Variants in FMO3 observed in about 807,000 individuals in gnomAD.
FMO3 encodes the protein flavin containing dimethylaniline monoxygenase 3.
FMO3 carries 40 observed loss-of-function variants against 39.4 expected under a neutral mutation model. That is an observed-to-expected ratio of 1.02 (90% CI 0.79 to 1.32). The LOEUF is 1.32. Ranked by LOEUF, FMO3 falls within the 40% of genes most tolerant of loss-of-function variation. FMO3 has a pLI of 0.00. For synonymous variants in FMO3, 219 were observed against 228.8 expected (o/e 0.96, Z 0.39); for missense variants, 680 against 651.8 (o/e 1.04, Z -0.47).
rs563473130 is a variant in FMO3, at chr1:171,113,914, G to A, written c.828-93G>A. 2.0e-5 allele frequency: 18 copies of A among 917,040 alleles called. No homozygotes were observed. In the African/African-American group the frequency reaches 3.0e-4, roughly 16 times the overall value. The allele number at this position is 917,040 out of a possible 1,614,324, so 56.8% of individuals were successfully genotyped here. A position where few individuals can be genotyped will look rare whatever the true frequency, so the allele number is the denominator to read the frequency against. Reference sequence around the variant, plus strand: ...ATGCCTCAGAAAAAAAAAATCTTGGGTCATTTTTTCCTTCCTTATCAATTT... The same window carrying A: ...ATGCCTCAGAAAAAAAAAATCTTGGATCATTTTTTCCTTCCTTATCAATTT... On this transcript the variant is annotated intron_variant, in intron 6 of 8. Transcript: ENST00000367755.
intron 2 of FMO3, among the ~76,000 whole-genome samples, chr1:171,099,248 C>G (rs1340900126): frequency 6.6e-6 from 1 of 152,176 alleles, no homozygotes; most frequent in African/African-American, 2.4e-5. Flanking sequence ...TTTGATTGCA[C>G]TGTGGTCTGA....
At chr1:171,096,052 ATAT>A (rs1654996930) in intron 2 of FMO3, among the ~76,000 whole-genome samples, 1 of 50,992 alleles carries the variant, frequency 2.0e-5, no homozygotes, top group African/African-American at 1.4e-4. Context: ...ATATATAAAT[ATAT>A]AATATATATT....
intron 2 of FMO3, among the ~76,000 whole-genome samples, chr1:171,094,955 T>A (rs1269043605): frequency 6.6e-6 from 1 of 152,218 alleles, no homozygotes; most frequent in African/African-American, 2.4e-5. Context: ...TTAGAATTGT[T>A]CTAATTCTGT....
chr1:171,102,746 C>T (rs547556577), intron 2 of FMO3, among the ~76,000 whole-genome samples: 4 of 152,296 alleles, frequency 2.6e-5, no homozygotes, highest in African/African-American at 9.6e-5. Flanking sequence ...TCCTAAACTT[C>T]TCATTACTGA....
intron 2 of FMO3, chr1:171,101,151 G>C (rs1290490172): frequency 1.3e-5 from 6 of 456,146 alleles, no homozygotes; most frequent in South Asian, 9.3e-5. Flanking sequence ...GCATCCACCA[G>C]AAGCCAGAAG....
At chr1:171,114,663 T>G (rs1462876297) in intron 7 of FMO3, among the ~76,000 whole-genome samples, 3 of 152,180 alleles carry the variant, frequency 2.0e-5, no homozygotes, top group Non-Finnish European at 4.4e-5. Context: ...CACTTAAGAC[T>G]AAGTGAATGA....
intron 2 of FMO3, among the ~76,000 whole-genome samples, chr1:171,096,102 T>C (rs1250499043): frequency 1.3e-3 from 64 of 48,844 alleles, no homozygotes; most frequent in Admixed American, 3.8e-3. Flanking sequence ...TATTTTTATA[T>C]AATTAATTAT....
intron 2 of FMO3, 110 bp from the exon 3 acceptor site, chr1:171,103,675 G>T (rs1456240311): frequency 5.4e-6 from 5 of 917,680 alleles, no homozygotes; most frequent in Non-Finnish European, 7.3e-6. Flanking sequence ...GGAGGTCCTG[G>T]AACCTTCCAT....
rs1228257104 is a variant in FMO3 at position 171,093,827 on chromosome 1, C to CTTTTTTT, written c.132+1056_132+1062dup. On this transcript the variant is annotated intron_variant, in intron 2 of 8. Coordinates refer to ENST00000367755, the MANE Select transcript of FMO3 (RefSeq NM_001002294.3). Reference sequence around the variant, plus strand: ...CTTTTCTCCACATACTCACTAATATCTTTTTTTTTTTTTTTTTTTTTTTTT... The same window carrying CTTTTTTT: ...CTTTTCTCCACATACTCACTAATATCTTTTTTTTTTTTTTTTTTTTTTTTTTTTTTTT... Among the ~76,000 whole-genome samples the CTTTTTTT allele has an allele frequency of 7.6e-4, 57 of 75,310 alleles. 2 individuals carry two copies. Among genetic ancestry groups the CTTTTTTT allele is most frequent in the Admixed American group, 1.3e-3 (7 of 5,212 alleles). The allele number at this position is 75,310 out of a possible 152,430, so 49.4% of individuals were successfully genotyped here.
chr1:171,093,279 C>G (rs1283759382), intron 2 of FMO3, among the ~76,000 whole-genome samples: 1 of 152,134 alleles, frequency 6.6e-6, no homozygotes. Flanking sequence ...GCCTCCCACT[C>G]TCCTACCCTT....
At position 171,117,480 on chromosome 1, in the gene FMO3, A is replaced by G. The variant is rs1468935672; in HGVS notation, c.*38A>G. On this transcript the variant is annotated 3_prime_UTR_variant, in exon 9 of 9. Transcript: ENST00000367755. ...CTAGGATTTCTGAAAGTTACTGACAATACCCAGACAGGGGCTTTGCTATTT... is the reference window on the plus strand; with the variant it reads ...CTAGGATTTCTGAAAGTTACTGACAGTACCCAGACAGGGGCTTTGCTATTT... 6.5e-7 allele frequency: 1 copy of G among 1,537,134 alleles called. No individual in the cohort carries two copies. The highest frequency in any genetic ancestry group is 9.0e-7 in the Non-Finnish European group (1 of 1,115,572).
Position 171,117,087 on chromosome 1 carries a change from C to T in FMO3, c.1257-13C>T. The stretch of plus-strand genomic sequence containing the variant: ...TTGGGTATCCACAGTGGTGTTTTCT[C>T]TCCCATCTCCAGGTTTGGCAAAAGC... On this transcript the variant is annotated splice_polypyrimidine_tract_variant and intron_variant, in intron 8 of 8. Transcript: ENST00000367755. 1 of 1,603,842 alleles carries T rather than the reference C, an allele frequency of 6.2e-7. No individual in the cohort carries two copies. Among genetic ancestry groups the T allele is most frequent in the Non-Finnish European group, 8.5e-7 (1 of 1,170,680 alleles).
chr1:171,097,547 G>A (rs1178582199), intron 2 of FMO3, among the ~76,000 whole-genome samples: 4 of 131,976 alleles, frequency 3.0e-5, no homozygotes, highest in South Asian at 2.6e-4. Flanking sequence ...GTCAGTGATG[G>A]TGAGCATTTT....
In FMO3 at chr1:171,108,044, C is replaced by T. The variant is rs370429033; in HGVS notation, c.485-35C>T. On this transcript the variant is annotated intron_variant, in intron 4 of 8. Coordinates refer to ENST00000367755, the MANE Select transcript of FMO3 (RefSeq NM_001002294.3). Reference sequence around the variant, plus strand: ...TTAAAGTCTTTGTTTAAATATATGACTCAAACTGCCATGTATTTCTCACTT... The same window carrying T: ...TTAAAGTCTTTGTTTAAATATATGATTCAAACTGCCATGTATTTCTCACTT... 338 of 1,611,166 alleles carry T rather than the reference C, an allele frequency of 2.1e-4. 3 individuals carry two copies. Among genetic ancestry groups the T allele is most frequent in the Non-Finnish European group, 2.2e-4 (260 of 1,177,516 alleles).
chr1:171,097,925 G>A (rs1023474468), intron 2 of FMO3, among the ~76,000 whole-genome samples: 1 of 152,120 alleles, frequency 6.6e-6, no homozygotes, highest in Non-Finnish European at 1.5e-5. Flanking sequence ...ATGGTTTTAG[G>A]TCTAACATTT....
intron 2 of FMO3, among the ~76,000 whole-genome samples, chr1:171,094,955 T>C (rs1269043605): frequency 6.6e-6 from 1 of 152,218 alleles, no homozygotes; most frequent in African/African-American, 2.4e-5. Context: ...TTAGAATTGT[T>C]CTAATTCTGT....
intron 2 of FMO3, among the ~76,000 whole-genome samples, chr1:171,097,019 C>A (rs1347417036): frequency 6.7e-6 from 1 of 148,874 alleles, no homozygotes; most frequent in South Asian, 2.1e-4. Flanking sequence ...CAATTCCCAT[C>A]TATGAGTGAG....
rs1274503294 is a variant in FMO3 at position 171,110,955 on chromosome 1, C to T, written c.785C>T (p.Ala262Val). ...SDWLYVKQMN[A>V]RFKHENYGLM... ...TGGTTGTACGTGAAGCAGATGAATGCAAGATTCAAGCATGAAAACTATGGC... is the reference window on the plus strand; with the variant it reads ...TGGTTGTACGTGAAGCAGATGAATGTAAGATTCAAGCATGAAAACTATGGC... The change falls in exon 6 of 9, where the codon GCA becomes GTA. Residue 262 changes from alanine (A) to valine (V), a missense_variant. Transcript: ENST00000367755. 3.1e-6 allele frequency: 5 copies of T among 1,613,756 alleles called. No homozygotes were observed. The highest frequency in any genetic ancestry group is 1.1e-5 in the South Asian group (1 of 91,080).
intron 2 of FMO3, among the ~76,000 whole-genome samples, chr1:171,097,913 T>G (rs1655180964): frequency 6.6e-6 from 1 of 152,336 alleles, no homozygotes; most frequent in African/African-American, 2.4e-5. Flanking sequence ...TCTAGGTTTT[T>G]TATGGTTTTA....
Sources: allele counts gnomAD v4.1 joint callset (sites outside exome capture counted in the v4.1 genomes callset), GRCh38; gene constraint gnomAD v4.1.1; transcripts MANE v1.5; gene names NCBI Gene and HGNC (gene_info 2026-07-23, HGNC 2026-07-21).